Variants in MAST4 observed in about 807,000 individuals in gnomAD.
MAST4 encodes microtubule associated serine/threonine kinase family member 4, also known as microtubule-associated serine/threonine-protein kinase 4.
A neutral mutation model predicts 162.7 loss-of-function variants in MAST4; 89 were observed. The ratio of observed to expected loss-of-function variants is 0.55; its 90% CI spans 0.46 to 0.65. The LOEUF is 0.65. MAST4 is among the 30% of genes least tolerant of loss of function. The probability of loss-of-function intolerance (pLI) is 0.00; values close to 1 mark genes in which losing one functional copy is unlikely to be tolerated. For missense variants in MAST4, 3,153 were observed against 3,374.0 expected (o/e 0.93, Z 1.62); for synonymous variants, 1,479 against 1,361.1 (o/e 1.09, Z -1.91).
intron 21 of MAST4, among the ~76,000 whole-genome samples, chr5:67,144,400 C>T (rs1482910973): frequency 6.6e-6 from 1 of 151,926 alleles, no homozygotes; most frequent in Non-Finnish European, 1.5e-5. Context: ...GATACAAAGT[C>T]CGCAACAAGA....
At chr5:67,154,785 G>T (rs899014417) in intron 26 of MAST4, among the ~76,000 whole-genome samples, 2 of 152,206 alleles carry the variant, frequency 1.3e-5, no homozygotes, top group African/African-American at 4.8e-5. Context: ...AGAGGAGTAA[G>T]CAATGTCATG....
Position 66,778,553 on chromosome 5 carries a change from T to C in MAST4, c.518-10117T>C, listed in dbSNP as rs1754707551. On this transcript the variant is annotated intron_variant, in intron 2 of 28. Coordinates refer to ENST00000403625, the MANE Select transcript of MAST4 (RefSeq NM_001164664.2). Reference sequence around the variant, plus strand: ...TACATAAGAAGAAATAGTTTTTTTATGAACAAGTTAAGGGAAAGTAAAAGA... The same window carrying C: ...TACATAAGAAGAAATAGTTTTTTTACGAACAAGTTAAGGGAAAGTAAAAGA... Among the ~76,000 whole-genome samples the C allele has an allele frequency of 2.0e-5, 3 of 152,252 alleles. No homozygotes were observed. The South Asian group carries it at 6.2e-4, about 32-fold the overall frequency.
At chr5:66,827,919 T>A (rs1244173926) in intron 3 of MAST4, among the ~76,000 whole-genome samples, 2 of 152,188 alleles carry the variant, frequency 1.3e-5, no homozygotes, top group African/African-American at 4.8e-5. Flanking sequence ...AAACTTAATA[T>A]TCATCTCTTG....
chr5:66,746,393 G>A (rs1022080471), intron 1 of MAST4, among the ~76,000 whole-genome samples: 15 of 152,172 alleles, frequency 9.9e-5, no homozygotes, highest in African/African-American at 3.6e-4. Context: ...AGAAATGTGG[G>A]CTTTGTAGTT....
At chr5:66,797,014 C>T (rs908951084) in intron 3 of MAST4, among the ~76,000 whole-genome samples, 2 of 152,140 alleles carry the variant, frequency 1.3e-5, no homozygotes, top group African/African-American at 4.8e-5. Context: ...TACTGGTTTC[C>T]GTGTCTGAGG....
chr5:67,130,491 A>G (rs1768826634), intron 15 of MAST4, 73 bp downstream of exon 15: 2 of 1,482,566 alleles, frequency 1.3e-6, no homozygotes, highest in East Asian at 2.3e-5. Flanking sequence ...AGCTGTCTGT[A>G]TTTGTGCCAC....
chr5:67,052,893 AAAG>A (rs1434406234), intron 4 of MAST4, among the ~76,000 whole-genome samples: 1 of 152,192 alleles, frequency 6.6e-6, no homozygotes, highest in African/African-American at 2.4e-5. Flanking sequence ...TATTGGAATG[AAAG>A]AAGACATTAA....
At position 67,104,486 on chromosome 5, in the gene MAST4, C is replaced by G. The variant is rs760258058; in HGVS notation, c.1267C>G (p.Arg423Gly). The G allele has an allele frequency of 3.7e-6, 6 of 1,613,710 alleles. No homozygotes were observed. The African/African-American group carries it at 4.0e-5, about 11-fold the overall frequency. Residue 423 changes from arginine (R) to glycine (G), a missense_variant, in exon 10 of 29, where the codon CGA becomes GGA. Transcript: ENST00000403625. ...FTHHQIIELA[R>G]DCLDKSHQGL... The stretch of plus-strand genomic sequence containing the variant: ...TCACCACCAGATTATTGAACTGGCT[C>G]GAGATTGCTTGGATAAATCCCACCA...
chr5:67,090,044 T>A, intron 5 of MAST4, 118 bp from the exon 6 acceptor site: 2 of 731,620 alleles, frequency 2.7e-6, no homozygotes, highest in Non-Finnish European at 4.4e-6. Flanking sequence ...TAAAGCATTA[T>A]TGGAGGAAAG....
intron 1 of MAST4, among the ~76,000 whole-genome samples, chr5:66,670,673 C>T (rs1397502012): frequency 6.6e-6 from 1 of 151,928 alleles, no homozygotes; most frequent in Non-Finnish European, 1.5e-5. Context: ...GCACTGACAT[C>T]CCTATAAGAA....
At chr5:66,739,162 T>C (rs183754354) in intron 1 of MAST4, among the ~76,000 whole-genome samples, 1 of 152,352 alleles carries the variant, frequency 6.6e-6, no homozygotes, top group East Asian at 1.9e-4. Context: ...TTCCTGCTTT[T>C]TCCTATATTC....
chr5:66,663,396 T>G (rs1747034819), intron 1 of MAST4, among the ~76,000 whole-genome samples: 1 of 151,222 alleles, frequency 6.6e-6, no homozygotes, highest in Non-Finnish European at 1.5e-5. Flanking sequence ...CAATTAAACT[T>G]AATTTAAAAA....
intron 14 of MAST4, among the ~76,000 whole-genome samples, chr5:67,121,678 A>G (rs907826983): frequency 2.0e-4 from 28 of 138,858 alleles, no homozygotes; most frequent in Non-Finnish European, 2.0e-4. Context: ...TGATGACCTG[A>G]AAAAAAAAAA....
intron 2 of MAST4, among the ~76,000 whole-genome samples, chr5:66,774,556 C>T (rs1754498772): frequency 6.6e-6 from 1 of 152,110 alleles, no homozygotes; most frequent in Non-Finnish European, 1.5e-5. Context: ...TTTGATACCA[C>T]CTTAATGTTG....
chr5:66,823,613 GA>G (rs1468608097), intron 3 of MAST4, among the ~76,000 whole-genome samples: 1 of 152,110 alleles, frequency 6.6e-6, no homozygotes, highest in African/African-American at 2.4e-5. Flanking sequence ...GAGTAGCTGG[GA>G]TTACAGGTGT....
intron 4 of MAST4, among the ~76,000 whole-genome samples, chr5:66,985,286 C>T (rs1276841812): frequency 6.6e-6 from 1 of 152,172 alleles, no homozygotes; most frequent in African/African-American, 2.4e-5. Flanking sequence ...CTCTGCCCAT[C>T]TGTGCACAGA....
intron 1 of MAST4, among the ~76,000 whole-genome samples, chr5:66,612,975 A>G (rs920690729): frequency 3.9e-5 from 6 of 152,202 alleles, no homozygotes; most frequent in Non-Finnish European, 5.9e-5. Flanking sequence ...GAAGATTACA[A>G]TGTTTTCTCT....
chr5:66,996,371 T>C (rs1750660547), intron 4 of MAST4, among the ~76,000 whole-genome samples: 1 of 152,172 alleles, frequency 6.6e-6, no homozygotes, highest in Admixed American at 6.5e-5. Flanking sequence ...ATCATAGAAC[T>C]TCATTTTTTT....
intron 1 of MAST4, 50 bp downstream of exon 1, chr5:66,597,068 C>A (rs1245632397): frequency 5.1e-6 from 7 of 1,362,094 alleles, no homozygotes; most frequent in Non-Finnish European, 6.6e-6. Context: ...GCCGGGCGAC[C>A]GTAGTTTCCC....
Sources: gnomAD v4.1 joint callset for allele counts (sites outside exome capture counted in the v4.1 genomes callset) on GRCh38, gnomAD v4.1.1 for gene constraint, MANE v1.5 for transcripts, NCBI Gene and HGNC (gene_info 2026-07-23, HGNC 2026-07-21) for gene names.